The following SMARCC1 variants were observed in gnomAD, a reference collection of about 807,000 sequenced individuals.
The protein encoded by SMARCC1 is SWI/SNF complex subunit SMARCC1.
SMARCC1 carries 43 observed loss-of-function variants against 147.4 expected under a neutral mutation model. The ratio of observed to expected loss-of-function variants is 0.29; its 90% CI spans 0.23 to 0.38. SMARCC1 has a LOEUF of 0.38. Ranked by LOEUF, SMARCC1 falls within the 10% of genes least tolerant of loss-of-function variation. The pLI is 1.00. For synonymous variants in SMARCC1, 495 were observed against 484.4 expected, an observed-to-expected ratio of 1.02 and a Z score of -0.29; for missense variants, 1,119 against 1,381.1, an observed-to-expected ratio of 0.81 and a Z score of 3.01.
chr3:47,676,137 A>G (rs1182002335), intron 17 of SMARCC1, among the ~76,000 whole-genome samples: 1 of 152,214 alleles, frequency 6.6e-6, no homozygotes, highest in African/African-American at 2.4e-5. Flanking sequence ...ACAATGGGAC[A>G]AAATTTATAC....
chr3:47,673,403 G>C (rs1375442316), intron 18 of SMARCC1, among the ~76,000 whole-genome samples: 2 of 133,788 alleles, frequency 1.5e-5, no homozygotes, highest in African/African-American at 5.2e-5. Context: ...AAAGGGTGGG[G>C]GGGGGGCAGG....
intron 14 of SMARCC1, among the ~76,000 whole-genome samples, chr3:47,681,178 G>A (rs139873303): frequency 9.5e-4 from 144 of 152,212 alleles, no homozygotes; most frequent in African/African-American, 3.3e-3. Flanking sequence ...GAGCTGGCAC[G>A]GCATGGCAAC....
intron 2 of SMARCC1, among the ~76,000 whole-genome samples, chr3:47,761,992 G>T (rs1207614280): frequency 6.6e-6 from 1 of 152,066 alleles, no homozygotes; most frequent in East Asian, 1.9e-4. Flanking sequence ...AGGTTGACCA[G>T]CCTGGTCCAG....
rs780153138 is a variant in SMARCC1 at position 47,736,041 on chromosome 3, C to T, written c.569G>A (p.Arg190Gln). The change falls in exon 5 of 28, where the codon CGA becomes CAA. Residue 190 changes from arginine to glutamine, a missense_variant. Physicochemically the swap from Arg to Gln is conservative, Grantham distance 43 (BLOSUM62 1). This residue lies in a region of SMARCC1 where 542 missense variants were observed against 611.8 expected (regional missense o/e 0.89). Transcript: ENST00000254480. ...AGTGATTGTGTCTATTACCTGATGT[C>T]GTTTGATGATATCTTTCAATTTGTT... is the stretch of plus-strand genomic sequence containing the variant. ...LANKLKDIIK[R>Q]HQGTFTDEKS... The T allele has an allele frequency of 2.2e-5, 33 of 1,528,456 alleles. No individual in the cohort carries two copies. The highest frequency in any genetic ancestry group is 2.9e-5 in the Non-Finnish European group (32 of 1,109,698). The allele number at this position is 1,528,456 out of a possible 1,614,324, so 94.7% of individuals were successfully genotyped here. A position where few individuals can be genotyped will look rare whatever the true frequency, so the allele number is the denominator to read the frequency against.
At chr3:47,625,290 T>C (rs2032792588) in intron 24 of SMARCC1, among the ~76,000 whole-genome samples, 1 of 151,430 alleles carries the variant, frequency 6.6e-6, no homozygotes, top group African/African-American at 2.4e-5. Context: ...CAAAATCCCT[T>C]CTTTATTTTT....
rs2033996274 is a variant in SMARCC1 at position 47,706,453 on chromosome 3, G to A, written c.996C>T (p.Pro332=). Residue 332 remains proline, a synonymous_variant, in exon 10 of 28, where the codon CCC becomes CCT. Transcript: ENST00000254480. ...ARKRKHSPSP[P]PPTPTESRKK... Reference sequence around the variant, plus strand: ...TCCGTGATTCTGTTGGTGTCGGAGGGGGAGGCGAAGGCGAATGTTTCCTCT... The same window carrying A: ...TCCGTGATTCTGTTGGTGTCGGAGGAGGAGGCGAAGGCGAATGTTTCCTCT... 1 of 1,579,516 alleles carries A rather than the reference G, an allele frequency of 6.3e-7. No individual in the cohort carries two copies. The highest frequency in any genetic ancestry group is 8.6e-7 in the Non-Finnish European group (1 of 1,166,746).
Position 47,772,935 on chromosome 3 carries a change from T to C in SMARCC1, c.197A>G (p.Tyr66Cys). The change falls in exon 2 of 28, where the codon TAT becomes TGT. Residue 66 changes from tyrosine (Y) to cysteine (C), a missense_variant and splice_region_variant. Tyr to Cys is a radical substitution (Grantham distance 194). Transcript: ENST00000254480. ...ATTGGTAGGAGCATCCGCATGAACA[T>C]ACTGCAAGATAAAGACAGGCATTCA... Reference protein sequence around the residue: ...RVWLGKHYKKYVHADAPTNKT... With the variant: ...RVWLGKHYKKCVHADAPTNKT... The C allele has an allele frequency of 6.2e-7, 1 of 1,610,498 alleles. No homozygotes were observed. Among genetic ancestry groups the C allele is most frequent in the Non-Finnish European group, 8.5e-7 (1 of 1,178,160 alleles).
At chr3:47,686,909 A>AT (rs2033732539) in intron 13 of SMARCC1, among the ~76,000 whole-genome samples, 1 of 152,176 alleles carries the variant, frequency 6.6e-6, no homozygotes, top group Non-Finnish European at 1.5e-5. Context: ...TTGCTTGAGC[A>AT]TGGGAGGTCA....
At chr3:47,614,572 C>T (rs2032610698) in intron 25 of SMARCC1, among the ~76,000 whole-genome samples, 2 of 152,280 alleles carry the variant, frequency 1.3e-5, no homozygotes, top group South Asian at 4.1e-4. Flanking sequence ...TCTAAACTTA[C>T]TATTTGTGAG....
chr3:47,735,201 T>C (rs1248636570), intron 5 of SMARCC1, among the ~76,000 whole-genome samples: 2 of 152,160 alleles, frequency 1.3e-5, no homozygotes, highest in Non-Finnish European at 2.9e-5. Context: ...CTCTGTGATA[T>C]AGGGTTCTGT....
intron 1 of SMARCC1, among the ~76,000 whole-genome samples, chr3:47,780,693 A>T (rs780237674): frequency 4.6e-5 from 7 of 152,210 alleles, no homozygotes; most frequent in Non-Finnish European, 1.0e-4. Flanking sequence ...CTTCAGTGCT[A>T]TGATTCTCAA....
At chr3:47,609,312 C>T (rs956116666) in intron 26 of SMARCC1, among the ~76,000 whole-genome samples, 3 of 151,946 alleles carry the variant, frequency 2.0e-5, no homozygotes, top group Admixed American at 6.6e-5. Context: ...CTGGCGAACA[C>T]GGTGAAACCC....
At position 47,685,857 on chromosome 3, in the gene SMARCC1, A is replaced by G. The variant is rs549917665; in HGVS notation, c.1385+192T>C. ...GGGTGACAAAGCAAGACTCTGTCTCAACAACAACAAAACAAACAAACAAAC... is the reference window on the plus strand; with the variant it reads ...GGGTGACAAAGCAAGACTCTGTCTCGACAACAACAAAACAAACAAACAAAC... On this transcript the variant is annotated intron_variant, in intron 14 of 27. Coordinates refer to ENST00000254480, the MANE Select transcript of SMARCC1 (RefSeq NM_003074.4). Among the ~76,000 whole-genome samples, 3 of 152,238 alleles carry G rather than the reference A, an allele frequency of 2.0e-5. No individual in the cohort carries two copies. The South Asian group carries it at 6.2e-4, about 32-fold the overall frequency.
At chr3:47,721,455 G>A (rs989809080) in intron 6 of SMARCC1, among the ~76,000 whole-genome samples, 10 of 152,070 alleles carry the variant, frequency 6.6e-5, no homozygotes, top group African/African-American at 1.9e-4. Flanking sequence ...TGGTAATCAT[G>A]TGCTTCTTTG....
chr3:47,662,338 A>G lies in SMARCC1; in HGVS notation c.2154T>C (p.Ala718=). ...ATGGTTTAGGGAAGTCCATACCCAAAGCCGCTTTTGCTGCAGCAGATGCCA... is the reference window on the plus strand; with the variant it reads ...ATGGTTTAGGGAAGTCCATACCCAAGGCCGCTTTTGCTGCAGCAGATGCCA... ...PRVASAAAKA[A]LEEFSRVREE... Residue 718 remains alanine (A), a synonymous_variant, in exon 20 of 28, where the codon GCT becomes GCC. Transcript: ENST00000254480. 2 of 1,613,954 alleles carry G rather than the reference A, an allele frequency of 1.2e-6. No individual in the cohort carries two copies. Among genetic ancestry groups the G allele is most frequent in the Non-Finnish European group, 1.7e-6 (2 of 1,179,946 alleles).
At chr3:47,652,308 A>C (rs1576399563) in intron 21 of SMARCC1, among the ~76,000 whole-genome samples, 1 of 151,836 alleles carries the variant, frequency 6.6e-6, no homozygotes, top group Non-Finnish European at 1.5e-5. Context: ...CATATAGAGG[A>C]AGTCAACCAC....
In SMARCC1 at chr3:47,689,420, C is replaced by T. The variant is rs770053688; in HGVS notation, c.1230G>A (p.Glu410=). Residue 410 remains glutamate (E), a synonymous_variant, in exon 13 of 28, where the codon GAG becomes GAA. Transcript: ENST00000254480. Reference sequence around the variant, plus strand: ...CTGCTGTGACTGTTTCTTCATCCTGCTCATCTGCAAAACCAAAACACACAA... The same window carrying T: ...CTGCTGTGACTGTTTCTTCATCCTGTTCATCTGCAAAACCAAAACACACAA... The part of the protein sequence containing the change: ...VKGGTVADLD[E]QDEETVTAGG... 1.9e-6 allele frequency: 3 copies of T among 1,613,220 alleles called. No homozygotes were observed. In the East Asian group the frequency reaches 6.7e-5, roughly 36 times the overall value.
chr3:47,722,722 A>G (rs1430814577), intron 6 of SMARCC1, among the ~76,000 whole-genome samples: 1 of 152,250 alleles, frequency 6.6e-6, no homozygotes, highest in Non-Finnish European at 1.5e-5. Flanking sequence ...TTTATACCCA[A>G]AAATGAATTT....
At chr3:47,600,368 G>A (rs1190317894) in intron 26 of SMARCC1, among the ~76,000 whole-genome samples, 1 of 152,176 alleles carries the variant, frequency 6.6e-6, no homozygotes, top group African/African-American at 2.4e-5. Flanking sequence ...TGTACCTGGG[G>A]CAGTGGGTTT....
Sources: allele counts gnomAD v4.1 joint callset (sites outside exome capture counted in the v4.1 genomes callset), GRCh38; gene constraint gnomAD v4.1.1; regional missense constraint gnomAD v4.1.1; transcripts MANE v1.5; gene names NCBI Gene and HGNC (gene_info 2026-07-23, HGNC 2026-07-21).